PKD1L3: variants seen among roughly 807,000 people sequenced by gnomAD.
The protein encoded by PKD1L3 is polycystin-1-like protein 3.
In PKD1L3, 239 loss-of-function variants were observed where a neutral mutation model predicts 184.1. The observed-to-expected ratio is 1.30, with a 90% CI of 1.17 to 1.45. PKD1L3 has a LOEUF of 1.45. Among genes scored for constraint, PKD1L3 ranks in the 40% most tolerant of loss-of-function variants. PKD1L3 has a pLI of 0.00. For synonymous variants in PKD1L3, 996 were observed against 778.8 expected, an observed-to-expected ratio of 1.28 and a Z score of -4.64; for missense variants, 2,660 against 2,067.2, an observed-to-expected ratio of 1.29 and a Z score of -5.56.
At chr16:71,957,969 A>C (rs1195295980) in intron 16 of PKD1L3, among the ~76,000 whole-genome samples, 1 of 152,224 alleles carries the variant, frequency 6.6e-6, no homozygotes, top group Non-Finnish European at 1.5e-5. Flanking sequence ...TAGCTGTCAC[A>C]ATGTTTCTGC....
At chr16:71,944,567 C>T (rs572618545) in intron 22 of PKD1L3, among the ~76,000 whole-genome samples, 3 of 152,000 alleles carry the variant, frequency 2.0e-5, no homozygotes, top group East Asian at 1.9e-4. Context: ...CCTGTGGTCC[C>T]GGCTACTAGG....
Position 71,965,106 on chromosome 16 carries a change from C to A in PKD1L3, c.2466-1755G>T, listed in dbSNP as rs149597824. Among the ~76,000 whole-genome samples the A allele has an allele frequency of 3.3e-5, 5 of 152,222 alleles. No homozygotes were observed. The East Asian group carries it at 7.7e-4, about 24-fold the overall frequency. ...CAAGTGATCTAACCACCTTGGCCCC[C>A]CAAAGTGCTGAGATTAGAGGTGTGA... On this transcript the variant is annotated intron_variant, in intron 15 of 29. Coordinates refer to ENST00000620267, the MANE Select transcript of PKD1L3 (RefSeq NM_181536.2).
At chr16:71,973,254 A>G (rs1933458336) in intron 12 of PKD1L3, 70 bp downstream of exon 12, 4 of 1,467,420 alleles carry the variant, frequency 2.7e-6, no homozygotes, top group East Asian at 2.5e-5. Context: ...CCCAAATGAG[A>G]TAACGGATGC....
At chr16:71,976,260 C>CTTTTTTTTTT (rs1379463065) in intron 11 of PKD1L3, among the ~76,000 whole-genome samples, 1 of 28,952 alleles carries the variant, frequency 3.5e-5, no homozygotes, top group Non-Finnish European at 7.6e-5. Context: ...AGTGCCCAGC[C>CTTTTTTTTTT]TGTCTTTTTT....
chr16:71,987,511 T>C (rs1469094873), intron 4 of PKD1L3, among the ~76,000 whole-genome samples: 2 of 152,120 alleles, frequency 1.3e-5, no homozygotes, highest in Admixed American at 6.6e-5. Context: ...TGGCTGGGAC[T>C]ACAGGACCAC....
At chr16:71,948,068 C>T (rs1436343523) in intron 21 of PKD1L3, among the ~76,000 whole-genome samples, 1 of 152,028 alleles carries the variant, frequency 6.6e-6, no homozygotes, top group Non-Finnish European at 1.5e-5. Flanking sequence ...AGGTGCATAC[C>T]ACACCCAGTT....
chr16:71,983,464 T>C (rs891407788), intron 6 of PKD1L3, among the ~76,000 whole-genome samples: 1 of 152,076 alleles, frequency 6.6e-6, no homozygotes, highest in African/African-American at 2.4e-5. Context: ...GACAGACTTC[T>C]AACAAATGCA....
At chr16:71,992,331 T>C (rs1025669228) in intron 3 of PKD1L3, among the ~76,000 whole-genome samples, 8 of 152,186 alleles carry the variant, frequency 5.3e-5, no homozygotes, top group Non-Finnish European at 1.0e-4. Flanking sequence ...TTAAAGGATA[T>C]AGGTGAAATA....
At position 71,990,197 on chromosome 16, in the gene PKD1L3, C is replaced by T. The variant is rs865795627; in HGVS notation, c.585+83G>A. On this transcript the variant is annotated intron_variant, in intron 4 of 29. Transcript: ENST00000620267. Reference sequence around the variant, plus strand: ...AGAAAACTATATTCAGAACACTCTACAAGATAGAGCTCTAACCAGATCTAC... The same window carrying T: ...AGAAAACTATATTCAGAACACTCTATAAGATAGAGCTCTAACCAGATCTAC... 6.5e-6 allele frequency: 8 copies of T among 1,225,600 alleles called. No individual in the cohort carries two copies. The Middle Eastern group carries it at 1.6e-3, about 238-fold the overall frequency. 75.9% of individuals were successfully genotyped at this position (1,225,600 alleles called of 1,614,324 possible).
In PKD1L3 at chr16:71,953,042, GC is replaced by G; in HGVS notation, c.2860del (p.Ala954LeufsTer11). 1 of 1,547,160 alleles carries G rather than the reference GC, an allele frequency of 6.5e-7. No homozygotes were observed. Among genetic ancestry groups the G allele is most frequent in the Non-Finnish European group, 8.7e-7 (1 of 1,145,328 alleles). On this transcript the variant is annotated frameshift_variant, in exon 18 of 30. Coordinates refer to ENST00000620267, the MANE Select transcript of PKD1L3 (RefSeq NM_181536.2). LOFTEE classifies it high-confidence loss of function. ...WSELLVSIHT[A>X]VILFPINLVI... ...AAGATTGATTGGGAAGAGGATGACA[GC>G]AGTATGGATGCTGACCAGCAGTTCA...
At chr16:71,971,790 T>G (rs560412370) in intron 12 of PKD1L3, among the ~76,000 whole-genome samples, 1 of 152,234 alleles carries the variant, frequency 6.6e-6, no homozygotes, top group Non-Finnish European at 1.5e-5. Context: ...ATGGTGCAGA[T>G]GCCTTCCTAA....
At chr16:71,937,557 CT>C in intron 24 of PKD1L3, 138 bp from the exon 25 acceptor site, 2 of 946,856 alleles carry the variant, frequency 2.1e-6, no homozygotes, top group Non-Finnish European at 3.1e-6. Context: ...TTAGTATTTC[CT>C]TTAGAGCTGT....
intron 16 of PKD1L3, among the ~76,000 whole-genome samples, chr16:71,956,518 T>C (rs955048445): frequency 6.6e-6 from 1 of 152,064 alleles, no homozygotes; most frequent in Non-Finnish European, 1.5e-5. Context: ...TTCTTGCACA[T>C]GCTACAGCAT....
intron 10 of PKD1L3, among the ~76,000 whole-genome samples, chr16:71,977,953 T>C (rs938349694): frequency 2.0e-5 from 3 of 152,126 alleles, no homozygotes; most frequent in Non-Finnish European, 4.4e-5. Context: ...TTTGTATTTT[T>C]AGTAGAGATG....
At position 71,929,584 on chromosome 16, in the gene PKD1L3, G is replaced by T; in HGVS notation, c.5153C>A (p.Thr1718Lys). The change falls in exon 30 of 30, where the codon ACG becomes AAG. Residue 1718 changes from threonine (T) to lysine (K), a missense_variant. Thr to Lys is a moderately conservative substitution (Grantham distance 78). Transcript: ENST00000620267. ...TTCAGTGTCACTGCCCACTGCTGTC[G>T]TGGCTGCTTGCTCAGATGAGGTTTT... The part of the protein sequence containing the change: ...PQKTSSEQAA[T>K]TAVGSDTEVL... The T allele has an allele frequency of 6.4e-7, 1 of 1,551,734 alleles. No individual in the cohort carries two copies. Among genetic ancestry groups the T allele is most frequent in the Non-Finnish European group, 8.7e-7 (1 of 1,146,998 alleles).
At chr16:71,944,639 T>C (rs148157793) in intron 22 of PKD1L3, among the ~76,000 whole-genome samples, 79 of 151,976 alleles carry the variant, frequency 5.2e-4, no homozygotes, top group Non-Finnish European at 8.8e-4. Context: ...GACTAGCAGA[T>C]AGTTTGAGCT....
At chr16:71,990,413 G>C in intron 3 of PKD1L3, 84 bp from the exon 4 acceptor site, 1 of 1,176,136 alleles carries the variant, frequency 8.5e-7, no homozygotes, top group Non-Finnish European at 1.2e-6. Flanking sequence ...CTTATTCATG[G>C]CTAAAAATAA....
intron 16 of PKD1L3, among the ~76,000 whole-genome samples, chr16:71,956,272 C>A (rs1389084066): frequency 2.8e-5 from 4 of 140,898 alleles, no homozygotes; most frequent in Non-Finnish European, 4.5e-5. Flanking sequence ...TGGCTCACTG[C>A]AACCTTCACC....
chr16:71,999,249 C>G (rs1261048141), intron 1 of PKD1L3, among the ~76,000 whole-genome samples: 2 of 141,426 alleles, frequency 1.4e-5, no homozygotes, highest in Non-Finnish European at 3.0e-5. Context: ...CCAGCCTGGG[C>G]GACAGAGCGA....
Sources: allele counts gnomAD v4.1 joint callset (sites outside exome capture counted in the v4.1 genomes callset), GRCh38; gene constraint gnomAD v4.1.1; transcripts MANE v1.5; gene names NCBI Gene and HGNC (gene_info 2026-07-23, HGNC 2026-07-21).